FIBCD1: variants seen among roughly 807,000 people sequenced by gnomAD.
FIBCD1 encodes the protein fibrinogen C domain containing 1.
FIBCD1 carries 47 observed loss-of-function variants against 45.1 expected under a neutral mutation model. The ratio of observed to expected loss-of-function variants is 1.04; its 90% CI spans 0.82 to 1.33. FIBCD1 has a LOEUF of 1.33. FIBCD1 is among the 40% of genes most tolerant of loss of function. The pLI is 0.00. For missense variants in FIBCD1, 653 were observed against 682.2 expected (o/e 0.96, Z 0.48); for synonymous variants, 313 against 308.1 (o/e 1.02, Z -0.17).
chr9:130,907,468 G>T (rs7024770), intron 5 of FIBCD1, among the ~76,000 whole-genome samples: 9,984 of 152,158 alleles, frequency 0.066, 591 homozygotes, highest in African/African-American at 0.16. Context: ...ACCAGCTCCC[G>T]GCTCAAATCG....
intron 4 of FIBCD1, among the ~76,000 whole-genome samples, chr9:130,917,752 C>T (rs995524754): frequency 5.9e-5 from 9 of 152,308 alleles, no homozygotes; most frequent in South Asian, 2.1e-4. Context: ...CGGCCTTCCC[C>T]GCCACAGCCC....
intron 4 of FIBCD1, 82 bp from the exon 5 acceptor site, chr9:130,911,970 A>G (rs1293779674): frequency 1.2e-5 from 15 of 1,288,348 alleles, no homozygotes; most frequent in Admixed American, 2.0e-5. Context: ...CCGCCCAGAG[A>G]CTCCCCTCAC....
intron 1 of FIBCD1, among the ~76,000 whole-genome samples, chr9:130,937,852 A>G (rs541167374): frequency 6.6e-6 from 1 of 151,946 alleles, no homozygotes; most frequent in Non-Finnish European, 1.5e-5. Flanking sequence ...CCCCACCTCC[A>G]CTGCCCCTGA....
intron 1 of FIBCD1, among the ~76,000 whole-genome samples, chr9:130,932,456 G>C (rs575591997): frequency 6.6e-6 from 1 of 152,324 alleles, no homozygotes; most frequent in Admixed American, 6.5e-5. Context: ...CGGGCTCCAC[G>C]CATCAAGACA....
At chr9:130,925,676 C>G (rs1271750806) in intron 2 of FIBCD1, among the ~76,000 whole-genome samples, 1 of 152,162 alleles carries the variant, frequency 6.6e-6, no homozygotes, top group Admixed American at 6.5e-5. Flanking sequence ...ATGCTGTCCC[C>G]CAGCGCCTCT....
intron 4 of FIBCD1, among the ~76,000 whole-genome samples, chr9:130,914,108 T>C (rs1832113929): frequency 1.3e-5 from 2 of 149,106 alleles, no homozygotes; most frequent in Admixed American, 6.7e-5. Flanking sequence ...GCCTGGCACA[T>C]AGTAGGTGTT....
chr9:130,939,291 C>A (rs2133133710), upstream of FIBCD1: 3 of 152,236 alleles, frequency 2.0e-5, no homozygotes, highest in Middle Eastern at 6.8e-3. Flanking sequence ...TGGCGCGGCG[C>A]TCCTTCCGGC....
In FIBCD1 at chr9:130,926,144, G is replaced by A. The variant is rs763366572; in HGVS notation, c.553-1748C>T. On this transcript the variant is annotated intron_variant, in intron 2 of 6. Transcript: ENST00000372338. This position sits in a 1 kb window ranked among gnomAD's most constrained non-coding sequence, Gnocchi z 4.1. ...CCCCAACCGGGGCAGGAGGGAAGACGGTAGGTGGGGGCCGCCGTGCGATGT... is the reference window on the plus strand; with the variant it reads ...CCCCAACCGGGGCAGGAGGGAAGACAGTAGGTGGGGGCCGCCGTGCGATGT... 7.2e-5 allele frequency among the ~76,000 whole-genome samples: 11 copies of A among 152,172 alleles called. No homozygotes were observed. Among genetic ancestry groups the A allele is most frequent in the Non-Finnish European group, 1.2e-4 (8 of 68,030 alleles).
intron 2 of FIBCD1, among the ~76,000 whole-genome samples, chr9:130,928,341 T>A (rs1832390349): frequency 6.6e-6 from 1 of 152,166 alleles, no homozygotes; most frequent in Non-Finnish European, 1.5e-5. Context: ...CTTCATGAAC[T>A]GGGCCTGAGC....
At position 130,924,377 on chromosome 9, in the gene FIBCD1, C is replaced by T; in HGVS notation, c.572G>A (p.Gly191Asp). 1 of 1,609,232 alleles carries T rather than the reference C, an allele frequency of 6.2e-7. No individual in the cohort carries two copies. Among genetic ancestry groups the T allele is most frequent in the Non-Finnish European group, 8.5e-7 (1 of 1,178,908 alleles). Residue 191 changes from glycine to aspartate, a missense_variant, in exon 3 of 7, where the codon GGC (glycine) becomes GAC (aspartate). Gly to Asp is a moderately conservative substitution (Grantham distance 94). Coordinates refer to ENST00000372338, the MANE Select transcript of FIBCD1 (RefSeq NM_032843.5). The part of the protein sequence containing the change: ...RLIQLLSESQ[G>D]HMAHLVNSVS... ...GGAGTTCACCAGGTGAGCCATGTGG[C>T]CCTGGCTCTCAGAGAGAAGCTGCGG...
At position 130,904,000 on chromosome 9, in the gene FIBCD1, G is replaced by A; in HGVS notation, c.*64C>T. 12 of 1,574,876 alleles carry A rather than the reference G, an allele frequency of 7.6e-6. No individual in the cohort carries two copies. Among genetic ancestry groups the A allele is most frequent in the Non-Finnish European group, 1.0e-5 (12 of 1,159,562 alleles). Reference sequence around the variant, plus strand: ...AGGTGGGTGGAGAACATTCACGAAAGAGTGAGGTGGGGTCGGGGATGGGGC... The same window carrying A: ...AGGTGGGTGGAGAACATTCACGAAAAAGTGAGGTGGGGTCGGGGATGGGGC... On this transcript the variant is annotated 3_prime_UTR_variant, in exon 7 of 7. Transcript: ENST00000372338.
chr9:130,935,928 C>T (rs1832512380), intron 1 of FIBCD1, among the ~76,000 whole-genome samples: 1 of 152,150 alleles, frequency 6.6e-6, no homozygotes. Flanking sequence ...GAGGAAAATC[C>T]CCGTTAAAGA....
chr9:130,929,972 A>C lies in FIBCD1; in HGVS notation c.147T>G (p.Gly49=). 1 of 1,548,012 alleles carries C rather than the reference A, an allele frequency of 6.5e-7. No individual in the cohort carries two copies. Among genetic ancestry groups the C allele is most frequent in the South Asian group, 1.2e-5 (1 of 83,408 alleles). The part of the protein sequence containing the change: ...LAVLLAVAVT[G]AVLFLNHAHA... ...GGGCGTGGTTCAGGAAGAGCACGGC[A>C]CCGGTGACAGCTACAGCCAGCAGCA... is the stretch of plus-strand genomic sequence containing the variant. The change falls in exon 2 of 7, where the codon GGT becomes GGG. Residue 49 remains glycine, a synonymous_variant. Coordinates refer to ENST00000372338, the MANE Select transcript of FIBCD1 (RefSeq NM_032843.5).
intron 2 of FIBCD1, 74 bp from the exon 3 acceptor site, chr9:130,924,470 TGGCCAGAGTGGGCCCTCTC>T: frequency 7.2e-7 from 1 of 1,387,068 alleles, no homozygotes; most frequent in Non-Finnish European, 9.8e-7. Context: ...AGCAGGTCAC[TGGCCAGAGTGGGCCCTCTC>T]CTGAGGCAGA....
At chr9:130,915,689 C>T (rs938847212) in intron 4 of FIBCD1, among the ~76,000 whole-genome samples, 2 of 152,012 alleles carry the variant, frequency 1.3e-5, no homozygotes, top group Non-Finnish European at 2.9e-5. Flanking sequence ...GTGATAAGAG[C>T]GAGACTCTGT....
At position 130,914,002 on chromosome 9, in the gene FIBCD1, C is replaced by T. The variant is rs1487067347; in HGVS notation, c.850-2114G>A. On this transcript the variant is annotated intron_variant, in intron 4 of 6. Transcript: ENST00000372338. The stretch of plus-strand genomic sequence containing the variant: ...GCCTTAGAGAGCCCTGGCAAGTCCC[C>T]ACACCTCTCCAGGCCCCAGCACCCA... Among the ~76,000 whole-genome samples, 3 of 152,280 alleles carry T rather than the reference C, an allele frequency of 2.0e-5. No individual in the cohort carries two copies. In the South Asian group the frequency reaches 6.2e-4, roughly 32 times the overall value.
In FIBCD1 at chr9:130,924,227, C is replaced by T; in HGVS notation, c.712+10G>A. 6.3e-7 allele frequency: 1 copy of T among 1,575,248 alleles called. No individual in the cohort carries two copies. Among genetic ancestry groups the T allele is most frequent in the Non-Finnish European group, 8.6e-7 (1 of 1,161,804 alleles). ...AGGCACCGGAGGAAGGCAGGCCCTG[C>T]CCCACTCACCAGTGGCACAGCCCCG... On this transcript the variant is annotated intron_variant, in intron 3 of 6. Transcript: ENST00000372338.
Position 130,924,347 on chromosome 9 carries a change from C to A in FIBCD1, c.602G>T (p.Ser201Ile), listed in dbSNP as rs563197613. Reference protein sequence around the residue: ...GHMAHLVNSVSDILDALQRDR... With the variant: ...GHMAHLVNSVIDILDALQRDR... ...CCTCTGCAGGGCATCCAGGATGTCG[C>A]TGACGGAGTTCACCAGGTGAGCCAT... The change falls in exon 3 of 7, where the codon AGC becomes ATC. Residue 201 changes from serine to isoleucine, a missense_variant. Coordinates refer to ENST00000372338, the MANE Select transcript of FIBCD1 (RefSeq NM_032843.5). The A allele has an allele frequency of 1.2e-6, 2 of 1,609,156 alleles. No homozygotes were observed. Among genetic ancestry groups the A allele is most frequent in the African/African-American group, 2.7e-5 (2 of 74,928 alleles).
At chr9:130,918,136 T>C (rs1033831101) in intron 4 of FIBCD1, among the ~76,000 whole-genome samples, 2 of 152,210 alleles carry the variant, frequency 1.3e-5, no homozygotes, top group Non-Finnish European at 2.9e-5. Flanking sequence ...AGTTTCCTCA[T>C]CTGTAAAGCT....
Sources: gnomAD v4.1 joint callset for allele counts (sites outside exome capture counted in the v4.1 genomes callset) on GRCh38, gnomAD v4.1.1 for gene constraint, Gnocchi (gnomAD v3.1) non-coding constraint, MANE v1.5 for transcripts, NCBI Gene and HGNC (gene_info 2026-07-23, HGNC 2026-07-21) for gene names.